The following GLRA1 variants were observed in gnomAD, a reference collection of about 807,000 sequenced individuals.
GLRA1 encodes glycine receptor alpha 1, also known as glycine receptor subunit alpha-1.
GLRA1 carries 37 observed loss-of-function variants against 48.3 expected under a neutral mutation model. The observed-to-expected ratio is 0.77, with a 90% CI of 0.59 to 1.01. The LOEUF is 1.01. GLRA1 is among the 50% of genes least tolerant of loss of function. The pLI, the probability that GLRA1 is intolerant of heterozygous loss-of-function variation, is 0.00. For synonymous variants in GLRA1, 196 were observed against 210.7 expected (o/e 0.93, Z 0.60); for missense variants, 427 against 571.0 (o/e 0.75, Z 2.57).
intron 7 of GLRA1, among the ~76,000 whole-genome samples, chr5:151,843,406 A>T (rs111685496): frequency 6.6e-6 from 1 of 151,482 alleles, no homozygotes; most frequent in Non-Finnish European, 1.5e-5. Context: ...GACTACAGGC[A>T]CCTGCCACCA....
intron 1 of GLRA1, among the ~76,000 whole-genome samples, chr5:151,906,834 A>T (rs1338333886): frequency 6.6e-6 from 1 of 152,210 alleles, no homozygotes; most frequent in Non-Finnish European, 1.5e-5. Context: ...CTAATTTTAT[A>T]GTTTGAGTAC....
chr5:151,892,522 T>C (rs1754105679), intron 1 of GLRA1, 84 bp from the exon 2 acceptor site: 1 of 1,434,708 alleles, frequency 7.0e-7, no homozygotes, highest in Non-Finnish European at 9.7e-7. Flanking sequence ...CCAACCTCTG[T>C]AGAACCACAA....
At chr5:151,826,415 T>C (rs1763272458) in intron 8 of GLRA1, among the ~76,000 whole-genome samples, 1 of 152,220 alleles carries the variant, frequency 6.6e-6, no homozygotes, top group South Asian at 2.1e-4. Flanking sequence ...GCAGGACAAT[T>C]TTTATCTGCT....
At chr5:151,919,240 A>C (rs866227527) in intron 1 of GLRA1, among the ~76,000 whole-genome samples, 3 of 152,212 alleles carry the variant, frequency 2.0e-5, no homozygotes, top group Non-Finnish European at 4.4e-5. Context: ...TTAATGATGA[A>C]TGGTATCTGG....
intron 7 of GLRA1, among the ~76,000 whole-genome samples, chr5:151,847,429 C>T (rs184474949): frequency 4.6e-5 from 7 of 151,950 alleles, no homozygotes; most frequent in African/African-American, 9.7e-5. Flanking sequence ...GTAAGTGAAA[C>T]GGAACATTAT....
At position 151,839,859 on chromosome 5, in the gene GLRA1, C is replaced by G. The variant is rs912446163; in HGVS notation, c.913-10792G>C. ...GCTGCCACCTTGATTTTGGACTTCC[C>G]AGGTTTCAGAACTATGAAAAATAAA... is the stretch of plus-strand genomic sequence containing the variant. On this transcript the variant is annotated intron_variant, in intron 7 of 8. Transcript: ENST00000274576. Among the ~76,000 whole-genome samples the G allele has an allele frequency of 5.3e-5, 8 of 152,148 alleles. 1 individual carries two copies. Among genetic ancestry groups the G allele is most frequent in the Admixed American group, 3.9e-4 (6 of 15,274 alleles).
At chr5:151,833,465 A>G (rs534650961) in intron 7 of GLRA1, among the ~76,000 whole-genome samples, 3 of 151,796 alleles carry the variant, frequency 2.0e-5, no homozygotes, top group Admixed American at 2.0e-4. Flanking sequence ...ATATATATAT[A>G]TATTTTTCTT....
At chr5:151,860,107 G>A in intron 3 of GLRA1, 99 bp from the exon 4 acceptor site, 1 of 822,350 alleles carries the variant, frequency 1.2e-6, no homozygotes. Flanking sequence ...CTTTTCTGGA[G>A]GATGTTATTA....
intron 7 of GLRA1, among the ~76,000 whole-genome samples, chr5:151,840,433 G>A (rs1763687820): frequency 1.3e-5 from 2 of 151,722 alleles, no homozygotes; most frequent in Non-Finnish European, 1.5e-5. Flanking sequence ...CAGTAACGGA[G>A]GAACAAAGAC....
intron 1 of GLRA1, among the ~76,000 whole-genome samples, chr5:151,893,655 C>T (rs1049711075): frequency 3.3e-5 from 5 of 152,026 alleles, no homozygotes; most frequent in African/African-American, 1.2e-4. Flanking sequence ...TGATGGCTTC[C>T]AGCTTCATCC....
At chr5:151,850,219 C>A in intron 7 of GLRA1, 1 of 1,604,174 alleles carries the variant, frequency 6.2e-7, no homozygotes, top group Non-Finnish European at 8.5e-7. Context: ...CATTACCAGG[C>A]CTGCTTGTAT....
At chr5:151,843,125 T>C (rs1752543598) in intron 7 of GLRA1, among the ~76,000 whole-genome samples, 1 of 152,114 alleles carries the variant, frequency 6.6e-6, no homozygotes, top group Non-Finnish European at 1.5e-5. Context: ...AGAAATCCCA[T>C]GTTGATGGAA....
chr5:151,824,924 A>G (rs1046036806), intron 8 of GLRA1, among the ~76,000 whole-genome samples: 3 of 152,190 alleles, frequency 2.0e-5, no homozygotes, highest in Admixed American at 1.3e-4. Flanking sequence ...GTTTACTTGT[A>G]TATCTTCACC....
Position 151,892,339 on chromosome 5 carries a change from A to G in GLRA1, c.156T>C (p.Tyr52=), listed in dbSNP as rs1245814956. ...TAAAATTGGGCCTGATCCTGGCATCATATCCGGAGGTTCTCCCCATTAGCT... is the reference window on the plus strand; with the variant it reads ...TAAAATTGGGCCTGATCCTGGCATCGTATCCGGAGGTTCTCCCCATTAGCT... ...LDKLMGRTSG[Y]DARIRPNFKG... is the part of the protein sequence containing the mutation. Residue 52 remains tyrosine, a synonymous_variant, in exon 2 of 9, where the codon TAT becomes TAC. Transcript: ENST00000274576. 1 of 1,613,952 alleles carries G rather than the reference A, an allele frequency of 6.2e-7. No individual in the cohort carries two copies. Among genetic ancestry groups the G allele is most frequent in the Non-Finnish European group, 8.5e-7 (1 of 1,179,908 alleles).
chr5:151,894,718 GTGAA>G (rs1326856654), intron 1 of GLRA1, among the ~76,000 whole-genome samples: 1 of 152,168 alleles, frequency 6.6e-6, no homozygotes, highest in Non-Finnish European at 1.5e-5. Flanking sequence ...TAATTGCACA[GTGAA>G]TGAATGAATG....
intron 7 of GLRA1, among the ~76,000 whole-genome samples, chr5:151,835,027 C>CAAAAAAAAAAAAAAAA (rs60718344): frequency 9.5e-5 from 5 of 52,528 alleles, no homozygotes; most frequent in Admixed American, 2.6e-4. Context: ...GACAACATCT[C>CAAAAAAAAAAAAAAAA]AAAAAAAAAA....
chr5:151,904,040 A>G (rs1246092263), intron 1 of GLRA1, among the ~76,000 whole-genome samples: 1 of 152,206 alleles, frequency 6.6e-6, no homozygotes, highest in African/African-American at 2.4e-5. Context: ...GGTTTAGTAT[A>G]AGCTTCTAGA....
chr5:151,837,562 C>G (rs1444713982), intron 7 of GLRA1, among the ~76,000 whole-genome samples: 1 of 152,138 alleles, frequency 6.6e-6, no homozygotes, highest in East Asian at 1.9e-4. Flanking sequence ...GGAACCAACC[C>G]AAATGGCCAC....
chr5:151,906,615 A>C (rs555355885), intron 1 of GLRA1, among the ~76,000 whole-genome samples: 46 of 152,196 alleles, frequency 3.0e-4, no homozygotes, highest in Non-Finnish European at 5.6e-4. Context: ...GAGGGACCCA[A>C]CTTAATAAAA....
Sources: allele counts gnomAD v4.1 joint callset (sites outside exome capture counted in the v4.1 genomes callset), GRCh38; gene constraint gnomAD v4.1.1; transcripts MANE v1.5; gene names NCBI Gene and HGNC (gene_info 2026-07-23, HGNC 2026-07-21).